Variants in PXDNL observed in about 807,000 individuals in gnomAD.
The protein encoded by PXDNL is peroxidasin like.
In PXDNL, 145 loss-of-function variants were observed where a neutral mutation model predicts 150.8. The ratio of observed to expected loss-of-function variants is 0.96; its 90% CI spans 0.84 to 1.10. The LOEUF is 1.10. Ranked by LOEUF, PXDNL falls within the 50% of genes least tolerant of loss-of-function variation. PXDNL has a pLI of 0.00. For synonymous variants in PXDNL, 757 were observed against 725.7 expected, an observed-to-expected ratio of 1.04 and a Z score of -0.69; for missense variants, 2,087 against 1,873.9, an observed-to-expected ratio of 1.11 and a Z score of -2.10.
Position 51,409,100 on chromosome 8 carries a change from AAGG to A in PXDNL, c.2521_2523del (p.Pro841del), listed in dbSNP as rs1563398647. On this transcript the variant is annotated inframe_deletion, in exon 17 of 23. Transcript: ENST00000356297. Reference sequence around the variant, plus strand: ...GCGTGCCGGGTGTTCATGGGGAAACAAGGAGGGTCGTTGGTGCAGACGGAGCTG... The same window carrying A: ...GCGTGCCGGGTGTTCATGGGGAAACAAGGGTCGTTGGTGCAGACGGAGCTG... 1.2e-6 allele frequency: 2 copies of A among 1,609,334 alleles called. No individual in the cohort carries two copies. The highest frequency in any genetic ancestry group is 1.7e-6 in the Non-Finnish European group (2 of 1,179,412).
At chr8:51,620,692 C>T (rs368025790) in intron 2 of PXDNL, among the ~76,000 whole-genome samples, 1 of 131,516 alleles carries the variant, frequency 7.6e-6, no homozygotes, top group Non-Finnish European at 1.6e-5. Context: ...TACAGGTGCA[C>T]GCTGCCACGC....
chr8:51,445,431 A>G (rs1006998766), intron 12 of PXDNL, among the ~76,000 whole-genome samples: 2 of 152,172 alleles, frequency 1.3e-5, no homozygotes, highest in Admixed American at 1.3e-4. Context: ...TATTCATGCC[A>G]ATTGCTAGTG....
At chr8:51,337,375 T>G (rs919726610) in intron 21 of PXDNL, among the ~76,000 whole-genome samples, 1 of 152,218 alleles carries the variant, frequency 6.6e-6, no homozygotes, top group African/African-American at 2.4e-5. Context: ...AATGTTTAAA[T>G]TGTTTGGGCC....
In PXDNL at chr8:51,577,979, GAAA is replaced by G. The variant is rs1563471055; in HGVS notation, c.308+14645_308+14647del. Among the ~76,000 whole-genome samples, 419 of 88,676 alleles carry G rather than the reference GAAA, an allele frequency of 4.7e-3. 2 individuals are homozygous for G. Among genetic ancestry groups the G allele is most frequent in the Admixed American group, 0.013 (95 of 7,140 alleles). The allele number at this position is 88,676 out of a possible 152,430, so 58.2% of individuals were successfully genotyped here. A position where few individuals can be genotyped will look rare whatever the true frequency, so the allele number is the denominator to read the frequency against. ...AGAAAGAAAGAAAGAAAGAAAGAAA[GAAA>G]GAAAGAAAGAAAGAAAGAGGAAGGA... On this transcript the variant is annotated intron_variant, in intron 3 of 22. Transcript: ENST00000356297.
In PXDNL at chr8:51,531,674, T is replaced by C. The variant is rs189845930; in HGVS notation, c.380+25166A>G. ...TGTGTTGTATGTAAACCCTAACTTA[T>C]ACAGATCTATGGGCAAGAAGGAGCT... On this transcript the variant is annotated intron_variant, in intron 4 of 22. Transcript: ENST00000356297. Among the ~76,000 whole-genome samples the C allele has an allele frequency of 1.2e-4, 19 of 152,264 alleles. No individual in the cohort carries two copies. In the East Asian group the frequency reaches 2.5e-3, roughly 20 times the overall value.
chr8:51,809,434 G>A lies in PXDNL; in HGVS notation c.-90C>T. 3.0e-6 allele frequency: 4 copies of A among 1,346,602 alleles called. No homozygotes were observed. The highest frequency in any genetic ancestry group is 1.5e-5 in the African/African-American group (1 of 67,412). The allele number at this position is 1,346,602 out of a possible 1,614,324, so 83.4% of individuals were successfully genotyped here. A position where few individuals can be genotyped will look rare whatever the true frequency, so the allele number is the denominator to read the frequency against. On this transcript the variant is annotated 5_prime_UTR_variant, in exon 1 of 23. Transcript: ENST00000356297. ...CAGCAACCGCAGTGGTGGTGATGGT[G>A]GCTGCTGGACTGAGCCAAGTTTGGG...
intron 1 of PXDNL, among the ~76,000 whole-genome samples, chr8:51,687,984 A>G (rs1815912535): frequency 6.6e-6 from 1 of 152,230 alleles, no homozygotes; most frequent in Non-Finnish European, 1.5e-5. Context: ...TGACATTTCA[A>G]TTTCTATACA....
At chr8:51,541,097 A>C (rs1431141446) in intron 4 of PXDNL, among the ~76,000 whole-genome samples, 2 of 151,970 alleles carry the variant, frequency 1.3e-5, no homozygotes, top group African/African-American at 4.8e-5. Flanking sequence ...GTCTCTACTA[A>C]AAATACAAAA....
chr8:51,392,775 T>G (rs1273583507), intron 17 of PXDNL, among the ~76,000 whole-genome samples: 1 of 152,180 alleles, frequency 6.6e-6, no homozygotes. Context: ...TCCAACACTA[T>G]GTTGAATAGG....
At chr8:51,416,104 TG>T (rs1808792480) in intron 14 of PXDNL, among the ~76,000 whole-genome samples, 1 of 152,240 alleles carries the variant, frequency 6.6e-6, no homozygotes, top group South Asian at 2.1e-4. Context: ...CCTTCACTTT[TG>T]GACCTCAAAT....
In PXDNL at chr8:51,691,477, T is replaced by C. The variant is rs544901162; in HGVS notation, c.165-36717A>G. ...TCAGGTTTGTCAAAGATCAGATAGT[T>C]GTAGACATGCGGCGTTATACTGTTT... On this transcript the variant is annotated intron_variant, in intron 1 of 22. Coordinates refer to ENST00000356297, the MANE Select transcript of PXDNL (RefSeq NM_144651.5). 8.2e-4 allele frequency among the ~76,000 whole-genome samples: 125 copies of C among 152,222 alleles called. 1 individual carries two copies. The highest frequency in any genetic ancestry group is 3.4e-3 in the Middle Eastern group (1 of 294).
At chr8:51,499,150 G>A (rs180832769) in intron 5 of PXDNL, among the ~76,000 whole-genome samples, 3 of 152,162 alleles carry the variant, frequency 2.0e-5, no homozygotes, top group Non-Finnish European at 4.4e-5. Flanking sequence ...TTGTTTTTGA[G>A]ATGGAGTCTC....
intron 5 of PXDNL, among the ~76,000 whole-genome samples, chr8:51,485,056 A>C (rs1198406357): frequency 6.6e-6 from 1 of 152,208 alleles, no homozygotes; most frequent in African/African-American, 2.4e-5. Context: ...GCTGTACTTC[A>C]TGACTAGTAT....
rs767254984 is a variant in PXDNL at position 51,409,123 on chromosome 8, G to T, written c.2501C>A (p.Ser834Tyr). The T allele has an allele frequency of 1.2e-6, 2 of 1,606,944 alleles. No individual in the cohort carries two copies. Among genetic ancestry groups the T allele is most frequent in the Admixed American group, 1.7e-5 (1 of 59,824 alleles). ...ARFSDGRPCS[S>Y]VCTNDPPCFP... ...ACAAGGAGGGTCGTTGGTGCAGACG[G>T]AGCTGCACGGCCGCCCATCCGAGAA... The change falls in exon 17 of 23, where the codon TCC (serine) becomes TAC (tyrosine). Residue 834 changes from serine (S) to tyrosine (Y), a missense_variant. By Grantham distance (144) the Ser-to-Tyr change is moderately radical (BLOSUM62 -2). Transcript: ENST00000356297.
In PXDNL at chr8:51,506,813, C is replaced by T. The variant is rs566377219; in HGVS notation, c.381-7043G>A. Among the ~76,000 whole-genome samples the T allele has an allele frequency of 2.7e-3, 408 of 152,266 alleles. 2 individuals carry two copies. Among genetic ancestry groups the T allele is most frequent in the African/African-American group, 9.4e-3 (391 of 41,562 alleles). On this transcript the variant is annotated intron_variant, in intron 4 of 22. Coordinates refer to ENST00000356297, the MANE Select transcript of PXDNL (RefSeq NM_144651.5). The stretch of plus-strand genomic sequence containing the variant: ...ATTAAGGATCATCAATGTCTTCTCA[C>T]TGTCTTTAGCAGGAATTCAAGGCTT...
At chr8:51,383,108 C>T (rs897959605) in intron 17 of PXDNL, among the ~76,000 whole-genome samples, 9 of 152,144 alleles carry the variant, frequency 5.9e-5, no homozygotes, top group African/African-American at 2.2e-4. Context: ...CTCCACTTTC[C>T]TTAGAGGGAA....
chr8:51,436,480 G>T, intron 12 of PXDNL: 1 of 347,216 alleles, frequency 2.9e-6, no homozygotes, highest in East Asian at 7.1e-5. Flanking sequence ...GAGAAAGAAA[G>T]AGCCAAAGAT....
intron 1 of PXDNL, among the ~76,000 whole-genome samples, chr8:51,664,541 G>A (rs1585658546): frequency 6.6e-6 from 1 of 152,124 alleles, no homozygotes; most frequent in Non-Finnish European, 1.5e-5. Flanking sequence ...ATTTGCACGT[G>A]AGCCAATAAA....
intron 1 of PXDNL, among the ~76,000 whole-genome samples, chr8:51,755,510 T>C (rs1242639572): frequency 6.6e-6 from 1 of 152,162 alleles, no homozygotes; most frequent in Non-Finnish European, 1.5e-5. Context: ...CAGGCTGGTC[T>C]CAAACTCCTG....
Sources: gnomAD v4.1 joint callset for allele counts (sites outside exome capture counted in the v4.1 genomes callset) on GRCh38, gnomAD v4.1.1 for gene constraint, MANE v1.5 for transcripts, NCBI Gene and HGNC (gene_info 2026-07-23, HGNC 2026-07-21) for gene names.